The following FBXO38 variants were observed in gnomAD, a reference collection of about 807,000 sequenced individuals.
FBXO38 encodes F-box only protein 38.
In FBXO38, 53 loss-of-function variants were observed where a neutral mutation model predicts 131.9. The observed-to-expected ratio is 0.40, with a 90% CI of 0.32 to 0.51. The LOEUF is 0.51. Ranked by LOEUF, FBXO38 falls within the 20% of genes least tolerant of loss-of-function variation. FBXO38 has a pLI of 0.53. For synonymous variants in FBXO38, 452 were observed against 505.6 expected, an observed-to-expected ratio of 0.89 and a Z score of 1.42; for missense variants, 1,076 against 1,475.6, an observed-to-expected ratio of 0.73 and a Z score of 4.44.
chr5:148,406,153 A>T lies in FBXO38; in HGVS notation c.731-104A>T, dbSNP rs1752433273. 7.8e-6 allele frequency: 9 copies of T among 1,149,258 alleles called. No homozygotes were observed. In the East Asian group the frequency reaches 2.3e-4, roughly 30 times the overall value. The allele number at this position is 1,149,258 out of a possible 1,614,324, so 71.2% of individuals were successfully genotyped here. A position where few individuals can be genotyped will look rare whatever the true frequency, so the allele number is the denominator to read the frequency against. On this transcript the variant is annotated intron_variant, in intron 6 of 21. Transcript: ENST00000340253. ...ATTTCAGAGAGCCAATTTGGCTGTCATTTTAAGACTTAGAGTTTATAAGTT... is the reference window on the plus strand; with the variant it reads ...ATTTCAGAGAGCCAATTTGGCTGTCTTTTTAAGACTTAGAGTTTATAAGTT...
At chr5:148,385,374 C>T (rs554014854) in intron 1 of FBXO38, among the ~76,000 whole-genome samples, 25 of 152,162 alleles carry the variant, frequency 1.6e-4, no homozygotes, top group African/African-American at 6.0e-4. Context: ...AACTAGATTC[C>T]AGTAAGATAG....
At chr5:148,407,160 A>G (rs1387150186) in intron 7 of FBXO38, among the ~76,000 whole-genome samples, 4 of 152,228 alleles carry the variant, frequency 2.6e-5, no homozygotes, top group Non-Finnish European at 5.9e-5. Context: ...GTACTTTATT[A>G]CATTTAGCCA....
chr5:148,436,403 C>T (rs1466453159), intron 17 of FBXO38, among the ~76,000 whole-genome samples: 1 of 152,184 alleles, frequency 6.6e-6, no homozygotes, highest in Non-Finnish European at 1.5e-5. Flanking sequence ...TCAAAACTTT[C>T]TGAGCACTAA....
At chr5:148,429,379 G>A (rs1230259525) in intron 15 of FBXO38, among the ~76,000 whole-genome samples, 3 of 150,514 alleles carry the variant, frequency 2.0e-5, no homozygotes, top group Non-Finnish European at 4.4e-5. Flanking sequence ...TTCAATATTG[G>A]TTATGGATGT....
chr5:148,396,534 TAAAC>T (rs1038691887), intron 2 of FBXO38, among the ~76,000 whole-genome samples: 7 of 152,304 alleles, frequency 4.6e-5, no homozygotes, highest in East Asian at 1.9e-4. Flanking sequence ...GTCAGTGAAT[TAAAC>T]AAATCCTTCA....
intron 15 of FBXO38, among the ~76,000 whole-genome samples, chr5:148,429,434 A>G (rs550057321): frequency 6.6e-6 from 1 of 152,116 alleles, no homozygotes; most frequent in South Asian, 2.1e-4. Flanking sequence ...ATCATCTACT[A>G]AATTCTTTGA....
At chr5:148,440,038 G>A (rs1314948660) in intron 19 of FBXO38, among the ~76,000 whole-genome samples, 3 of 152,186 alleles carry the variant, frequency 2.0e-5, no homozygotes, top group East Asian at 1.9e-4. Flanking sequence ...ACATGTACTT[G>A]TAACATTATT....
chr5:148,395,600 G>A (rs951920904), intron 2 of FBXO38, among the ~76,000 whole-genome samples: 1 of 151,832 alleles, frequency 6.6e-6, no homozygotes, highest in Non-Finnish European at 1.5e-5. Flanking sequence ...TTAGAGACCT[G>A]AGTTTGAATC....
rs142129179 is a variant in FBXO38 at position 148,427,597 on chromosome 5, C to G, written c.2303C>G (p.Ala768Gly). Residue 768 changes from alanine (A) to glycine (G), a missense_variant, in exon 15 of 22, where the codon GCA (alanine) becomes GGA (glycine). By Grantham distance (60) the Ala-to-Gly change is moderately conservative. This residue lies in a region of FBXO38 where 213 missense variants were observed against 225.2 expected (regional missense o/e 0.95). Coordinates refer to ENST00000340253, the MANE Select transcript of FBXO38 (RefSeq NM_205836.3). Reference protein sequence around the residue: ...EDSEAMEEGDAESSVCPRCCC... With the variant: ...EDSEAMEEGDGESSVCPRCCC... ...TCTGAGGCCATGGAGGAGGGAGATG[C>G]AGAGAGTTCTGTCTGCCCCAGATGC... is the stretch of plus-strand genomic sequence containing the variant. The G allele has an allele frequency of 2.4e-5, 39 of 1,614,068 alleles. No individual in the cohort carries two copies. Among genetic ancestry groups the G allele is most frequent in the Admixed American group, 3.3e-5 (2 of 60,006 alleles).
In FBXO38 at chr5:148,421,201, C is replaced by T. The variant is rs573461325; in HGVS notation, c.1619-2797C>T. On this transcript the variant is annotated intron_variant, in intron 12 of 21. Transcript: ENST00000340253. ...CAGGATGGTCTCCATCTCAACCTCA[C>T]GATCCGCCCACCCTGGCCTCCCAAA... Among the ~76,000 whole-genome samples the T allele has an allele frequency of 9.2e-5, 14 of 152,244 alleles. No homozygotes were observed. The East Asian group carries it at 2.1e-3, about 23-fold the overall frequency.
At position 148,392,903 on chromosome 5, in the gene FBXO38, G is replaced by T. The variant is rs145908424; in HGVS notation, c.-63-1811G>T. The stretch of plus-strand genomic sequence containing the variant: ...TTCAGGAGCTATCATAAGATGGAAA[G>T]ATTCATTTGGAGGAGGCAGGGCAGT... On this transcript the variant is annotated intron_variant, in intron 1 of 21. Transcript: ENST00000340253. 1.3e-3 allele frequency among the ~76,000 whole-genome samples: 204 copies of T among 152,198 alleles called. 2 individuals are homozygous for T. Among genetic ancestry groups the T allele is most frequent in the Non-Finnish European group, 2.3e-3 (157 of 68,002 alleles).
At chr5:148,399,953 G>A (rs1752049570) in intron 3 of FBXO38, among the ~76,000 whole-genome samples, 1 of 151,906 alleles carries the variant, frequency 6.6e-6, no homozygotes, top group African/African-American at 2.4e-5. Flanking sequence ...CTTAATAGAA[G>A]TGAAGGGCTG....
chr5:148,399,949 A>G (rs1752049268), intron 3 of FBXO38, among the ~76,000 whole-genome samples: 1 of 152,028 alleles, frequency 6.6e-6, no homozygotes, highest in Non-Finnish European at 1.5e-5. Flanking sequence ...AAGCCTTAAT[A>G]GAAGTGAAGG....
intron 1 of FBXO38, among the ~76,000 whole-genome samples, chr5:148,391,617 G>A (rs1758198147): frequency 6.6e-6 from 1 of 152,132 alleles, no homozygotes; most frequent in African/African-American, 2.4e-5. Flanking sequence ...GAGAGCAAGT[G>A]GTAAGGATTG....
rs1399643647 is a variant in FBXO38, at chr5:148,441,216, G to A, written c.3367G>A (p.Asp1123Asn). The change falls in exon 21 of 22, where the codon GAC becomes AAC. Residue 1123 changes from aspartate (D) to asparagine (N), a missense_variant. Asp to Asn is a conservative substitution (Grantham distance 23). Coordinates refer to ENST00000340253, the MANE Select transcript of FBXO38 (RefSeq NM_205836.3). ...AGAGCCCAACAGCTTCGCTCGATACGACTTTGAAGACGATGAAGAAAGTAA... is the reference window on the plus strand; with the variant it reads ...AGAGCCCAACAGCTTCGCTCGATACAACTTTGAAGACGATGAAGAAAGTAA... ...AAEPNSFARY[D>N]FEDDEESTIY... 3.1e-6 allele frequency: 5 copies of A among 1,613,186 alleles called. No individual in the cohort carries two copies. Among genetic ancestry groups the A allele is most frequent in the Non-Finnish European group, 3.4e-6 (4 of 1,179,524 alleles).
chr5:148,421,874 G>A (rs1334668758), intron 12 of FBXO38, among the ~76,000 whole-genome samples: 3 of 152,002 alleles, frequency 2.0e-5, no homozygotes, highest in Admixed American at 6.6e-5. Context: ...ACCATCATCC[G>A]ATTTAATTAC....
intron 13 of FBXO38, among the ~76,000 whole-genome samples, chr5:148,425,224 C>G (rs1753644043): frequency 6.6e-6 from 1 of 152,130 alleles, no homozygotes; most frequent in East Asian, 1.9e-4. Context: ...TTATGATACT[C>G]TTTGAAATAG....
intron 2 of FBXO38, among the ~76,000 whole-genome samples, chr5:148,395,327 A>T (rs927064678): frequency 7.9e-5 from 12 of 152,138 alleles, no homozygotes; most frequent in Admixed American, 3.9e-4. Context: ...GAAACATAAC[A>T]TGTAAGTGAT....
intron 19 of FBXO38, 76 bp downstream of exon 19, chr5:148,439,868 T>C: frequency 2.8e-6 from 4 of 1,423,678 alleles, no homozygotes; most frequent in Non-Finnish European, 2.9e-6. Flanking sequence ...AAATCCCAAT[T>C]TTTCTTTATT....
Sources: gnomAD v4.1 joint callset for allele counts (sites outside exome capture counted in the v4.1 genomes callset) on GRCh38, gnomAD v4.1.1 for gene constraint, gnomAD v4.1.1 regional missense constraint, MANE v1.5 for transcripts, NCBI Gene and HGNC (gene_info 2026-07-23, HGNC 2026-07-21) for gene names.